Variants in HIVEP3 observed in about 807,000 individuals in gnomAD.
HIVEP3 encodes HIVEP zinc finger 3, also known as transcription factor HIVEP3.
Under a neutral mutation model 152.8 loss-of-function variants are expected in HIVEP3, and 49 were observed. That is an observed-to-expected ratio of 0.32 (90% confidence interval 0.26 to 0.41). The LOEUF (loss-of-function observed/expected upper bound fraction) is 0.41, where lower values mean the gene tolerates loss of function less well. HIVEP3 is among the 10% of genes least tolerant of loss of function. The pLI, the probability that HIVEP3 is intolerant of heterozygous loss-of-function variation, is 1.00. For synonymous variants in HIVEP3, 1,269 were observed against 1,289.0 expected (o/e 0.98, Z 0.33); for missense variants, 2,790 against 3,103.3 (o/e 0.90, Z 2.40).
intron 1 of HIVEP3, among the ~76,000 whole-genome samples, chr1:41,859,734 T>A (rs1375773880): frequency 4.6e-5 from 7 of 152,254 alleles, no homozygotes; most frequent in Admixed American, 3.9e-4. Flanking sequence ...TGCCAATTTG[T>A]TAGGGGAAAG....
intron 1 of HIVEP3, among the ~76,000 whole-genome samples, chr1:41,809,890 A>G (rs1650849297): frequency 6.6e-6 from 1 of 152,180 alleles, no homozygotes; most frequent in Non-Finnish European, 1.5e-5. Flanking sequence ...TTGACTGGGG[A>G]CTTTCCTGAA....
intron 2 of HIVEP3, among the ~76,000 whole-genome samples, chr1:41,638,361 G>GA (rs1457146647): frequency 1.5e-4 from 4 of 26,746 alleles, no homozygotes; most frequent in African/African-American, 5.3e-4. Flanking sequence ...AAAGAAAAAG[G>GA]AAAGAAAGAA....
intron 1 of HIVEP3, among the ~76,000 whole-genome samples, chr1:41,740,612 G>A (rs897072223): frequency 1.4e-4 from 21 of 152,178 alleles, no homozygotes; most frequent in African/African-American, 3.6e-4. Flanking sequence ...TTCTACAAAC[G>A]TTTAATAAAC....
At chr1:41,736,315 C>G (rs887960266) in intron 1 of HIVEP3, among the ~76,000 whole-genome samples, 3 of 152,186 alleles carry the variant, frequency 2.0e-5, no homozygotes, top group Non-Finnish European at 2.9e-5. Flanking sequence ...TTGGCAGGTG[C>G]ATTCTCTGTC....
intron 1 of HIVEP3, among the ~76,000 whole-genome samples, chr1:42,010,230 T>C (rs1012346891): frequency 6.6e-6 from 1 of 152,222 alleles, no homozygotes; most frequent in African/African-American, 2.4e-5. Context: ...GAGTCATTGT[T>C]TTATTTATGT....
chr1:41,512,078 G>C (rs2149046568), intron 8 of HIVEP3, among the ~76,000 whole-genome samples: 1 of 152,168 alleles, frequency 6.6e-6, no homozygotes, highest in Admixed American at 6.5e-5. Context: ...GGCAGATGGG[G>C]ATGGGGTGGG....
chr1:41,891,769 G>C lies in HIVEP3; in HGVS notation c.-801+26644C>G, dbSNP rs1336946645. 3.3e-5 allele frequency among the ~76,000 whole-genome samples: 5 copies of C among 152,360 alleles called. No individual in the cohort carries two copies. In the South Asian group the frequency reaches 1.0e-3, roughly 32 times the overall value. ...GCTCAAGAGGCAGCCCTCCAGAGGAGATCGGGGTTAATTACGTTTACTGAC... is the reference window on the plus strand; with the variant it reads ...GCTCAAGAGGCAGCCCTCCAGAGGACATCGGGGTTAATTACGTTTACTGAC... On this transcript the variant is annotated intron_variant, in intron 1 of 8. Transcript: ENST00000372583.
chr1:41,957,658 G>A (rs1268155422), intron 1 of HIVEP3, among the ~76,000 whole-genome samples: 2 of 152,200 alleles, frequency 1.3e-5, no homozygotes, highest in Non-Finnish European at 2.9e-5. Flanking sequence ...TCTAGTGGAG[G>A]AGGATGATTT....
chr1:41,961,937 CT>C (rs1313859177), intron 1 of HIVEP3, among the ~76,000 whole-genome samples: 3 of 152,090 alleles, frequency 2.0e-5, no homozygotes, highest in African/African-American at 7.3e-5. Flanking sequence ...AATCAGGTGC[CT>C]TTGGCACCTC....
intron 2 of HIVEP3, among the ~76,000 whole-genome samples, chr1:41,651,177 A>C (rs923276555): frequency 6.6e-6 from 1 of 152,174 alleles, no homozygotes; most frequent in Non-Finnish European, 1.5e-5. Flanking sequence ...TGGGAGGCCA[A>C]GGCAGGCAGA....
At chr1:41,786,060 A>C (rs1345897606) in intron 1 of HIVEP3, among the ~76,000 whole-genome samples, 1 of 152,210 alleles carries the variant, frequency 6.6e-6, no homozygotes, top group East Asian at 1.9e-4. Context: ...TAGTGAGGGA[A>C]AAAAAGACAG....
intron 3 of HIVEP3, among the ~76,000 whole-genome samples, chr1:41,603,571 G>A (rs1333072771): frequency 6.6e-6 from 1 of 152,036 alleles, no homozygotes; most frequent in Non-Finnish European, 1.5e-5. Context: ...TGTTGGCCAA[G>A]CTGGTCTTGA....
At chr1:41,711,605 T>C (rs777570472) in intron 1 of HIVEP3, among the ~76,000 whole-genome samples, 15 of 152,220 alleles carry the variant, frequency 9.9e-5, no homozygotes, top group Non-Finnish European at 2.2e-4. Flanking sequence ...TGCATAGCCT[T>C]TGTGAAGACA....
intron 5 of HIVEP3, among the ~76,000 whole-genome samples, chr1:41,569,617 T>C (rs1027416603): frequency 6.6e-6 from 1 of 152,116 alleles, no homozygotes; most frequent in Non-Finnish European, 1.5e-5. Flanking sequence ...CAAGAAGAAA[T>C]GGATTTGTAA....
chr1:41,681,092 G>C (rs922027610), intron 2 of HIVEP3, among the ~76,000 whole-genome samples: 10 of 48,316 alleles, frequency 2.1e-4, no homozygotes, highest in Admixed American at 1.4e-3. Flanking sequence ...AAGAACTGGT[G>C]TGTGTGTGTG....
rs185947506 is a variant in HIVEP3, at chr1:41,725,092, G to A, written c.-800-24097C>T. On this transcript the variant is annotated intron_variant, in intron 1 of 8. Transcript: ENST00000372583. ...CAAGTGACCTGCCCAGAGTCATACA[G>A]CAAGTGAATGAGAAAGGCAGAATTG... Among the ~76,000 whole-genome samples the A allele has an allele frequency of 2.2e-3, 336 of 152,348 alleles. 2 individuals carry two copies. The highest frequency in any genetic ancestry group is 1.1e-3 in the Non-Finnish European group (75 of 68,024).
Position 41,580,495 on chromosome 1 carries a change from C to T in HIVEP3, c.4303G>A (p.Ala1435Thr), listed in dbSNP as rs763861872. 3.1e-6 allele frequency: 5 copies of T among 1,614,200 alleles called. No homozygotes were observed. The highest frequency in any genetic ancestry group is 1.7e-5 in the Admixed American group (1 of 60,022). The part of the protein sequence containing the change: ...AGGSKRVLSP[A>T]GSLELTMETQ... ...TCCATGGTAAGTTCAAGGCTGCCAG[C>T]TGGTGAAAGGACACGTTTGCTTCCC... Residue 1435 changes from alanine (A) to threonine (T), a missense_variant, in exon 4 of 9, where the codon GCT becomes ACT. Physicochemically the swap from Ala to Thr is moderately conservative, Grantham distance 58. This residue lies in a region of HIVEP3 where 1,078 missense variants were observed against 1,165.3 expected (regional missense o/e 0.93). Transcript: ENST00000372583.
intron 1 of HIVEP3, among the ~76,000 whole-genome samples, chr1:41,994,407 C>G (rs538668960): frequency 6.6e-6 from 1 of 152,254 alleles, no homozygotes; most frequent in African/African-American, 2.4e-5. Context: ...CCACCCAAAT[C>G]TCATGTTGAA....
In HIVEP3 at chr1:41,512,870, C is replaced by T. The variant is rs749143639; in HGVS notation, c.6351G>A (p.Ala2117=). Residue 2117 remains alanine, a synonymous_variant, in exon 8 of 9, where the codon GCG becomes GCA. Coordinates refer to ENST00000372583, the MANE Select transcript of HIVEP3 (RefSeq NM_024503.5). ...GLDPRVLFPP[A]PLPHKLLSRS... The stretch of plus-strand genomic sequence containing the variant: ...TGCTGAGGAGCTTGTGAGGTAGAGG[C>T]GCGGGCGGGAAGAGAACCCGTGGGT... 1.8e-5 allele frequency: 28 copies of T among 1,550,322 alleles called. 1 individual carries two copies. Among genetic ancestry groups the T allele is most frequent in the Middle Eastern group, 1.8e-4 (1 of 5,588 alleles).
Sources: allele counts gnomAD v4.1 joint callset (sites outside exome capture counted in the v4.1 genomes callset), GRCh38; gene constraint gnomAD v4.1.1; regional missense constraint gnomAD v4.1.1; transcripts MANE v1.5; gene names NCBI Gene and HGNC (gene_info 2026-07-23, HGNC 2026-07-21).